CAPN2: variants seen among roughly 807,000 people sequenced by gnomAD.
The protein encoded by CAPN2 is calpain 2.
CAPN2 carries 92 observed loss-of-function variants against 102.3 expected under a neutral mutation model. The ratio of observed to expected loss-of-function variants is 0.90; its 90% confidence interval spans 0.76 to 1.07. The LOEUF is 1.07. Ranked by LOEUF, CAPN2 falls within the 50% of genes least tolerant of loss-of-function variation. The pLI, the probability that CAPN2 is intolerant of heterozygous loss-of-function variation, is 0.00. For synonymous variants in CAPN2, 340 were observed against 355.4 expected (o/e 0.96, Z 0.49); for missense variants, 800 against 909.4 (o/e 0.88, Z 1.55).
Position 223,712,717 on chromosome 1 carries a change from A to G in CAPN2, c.77A>G (p.Lys26Arg), listed in dbSNP as rs1659766567. 6.3e-7 allele frequency: 1 copy of G among 1,585,428 alleles called. No individual in the cohort carries two copies. The highest frequency in any genetic ancestry group is 8.6e-7 in the Non-Finnish European group (1 of 1,168,058). Residue 26 changes from lysine to arginine, a missense_variant, in exon 1 of 21, where the codon AAG becomes AGG. By Grantham distance (26) the Lys-to-Arg change is conservative (BLOSUM62 2). Transcript: ENST00000295006. The stretch of plus-strand genomic sequence containing the variant: ...CTGGGCTCCCACGACAGGGCCATCA[A>G]GTACCTCAACCAGGACTACGAGGCG... The part of the protein sequence containing the change: ...EGLGSHDRAI[K>R]YLNQDYEALR...
chr1:223,712,624 G>T lies in CAPN2; in HGVS notation c.-17G>T. The T allele has an allele frequency of 6.6e-7, 1 of 1,510,298 alleles. No homozygotes were observed. The allele number at this position is 1,510,298 out of a possible 1,614,324, so 93.6% of individuals were successfully genotyped here. A position where few individuals can be genotyped will look rare whatever the true frequency, so the allele number is the denominator to read the frequency against. ...CCCCGACCTTTCTCTGCGCAGTACG[G>T]CCGCCGGGACCGCAGCATGGCGGGC... On this transcript the variant is annotated 5_prime_UTR_variant, in exon 1 of 21. Transcript: ENST00000295006.
At position 223,752,806 on chromosome 1, in the gene CAPN2, A is replaced by G; in HGVS notation, c.985A>G (p.Ser329Gly). Residue 329 changes from serine to glycine, a missense_variant, in exon 9 of 21, where the codon AGT becomes GGT. Ser to Gly is a moderately conservative substitution (Grantham distance 56, BLOSUM62 0). Coordinates refer to ENST00000295006, the MANE Select transcript of CAPN2 (RefSeq NM_001748.5). ...HEDGEFWMSF[S>G]DFLRHYSRLE... Reference sequence around the variant, plus strand: ...CTCTGCTTTTGCCAGGATGTCTTTCAGTGACTTCCTGAGGCACTATTCCCG... The same window carrying G: ...CTCTGCTTTTGCCAGGATGTCTTTCGGTGACTTCCTGAGGCACTATTCCCG... 1 of 1,614,098 alleles carries G rather than the reference A, an allele frequency of 6.2e-7. No homozygotes were observed. Among genetic ancestry groups the G allele is most frequent in the Non-Finnish European group, 8.5e-7 (1 of 1,179,998 alleles).
Position 223,755,465 on chromosome 1 carries a change from C to G in CAPN2, c.1136-15C>G. 3 of 1,613,650 alleles carry G rather than the reference C, an allele frequency of 1.9e-6. No individual in the cohort carries two copies. Among genetic ancestry groups the G allele is most frequent in the Non-Finnish European group, 2.5e-6 (3 of 1,179,872 alleles). On this transcript the variant is annotated splice_polypyrimidine_tract_variant and intron_variant, in intron 9 of 20. Transcript: ENST00000295006. This position sits in a 1 kb window ranked among gnomAD's most constrained non-coding sequence, Gnocchi z 4.1. ...CTGCTCAGGGCTGGGCTCCTCTGCC[C>G]CTTTCTGGCTGCAGACACATTCTGG...
At position 223,760,560 on chromosome 1, in the gene CAPN2, C is replaced by G. The variant is rs28370122; in HGVS notation, c.1530-1021C>G. On this transcript the variant is annotated intron_variant, in intron 12 of 20. Coordinates refer to ENST00000295006, the MANE Select transcript of CAPN2 (RefSeq NM_001748.5). ...GCCTACCATGGGGGAAGGGACCTTT[C>G]CTCTCAGCTCTGAGGATGCTTAGAG... Among the ~76,000 whole-genome samples the G allele has an allele frequency of 1.4e-3, 216 of 152,314 alleles. 3 individuals are homozygous for G. The Middle Eastern group carries it at 0.02, about 14-fold the overall frequency.
intron 20 of CAPN2, 73 bp from the exon 21 acceptor site, chr1:223,774,761 T>G (rs1661570470): frequency 2.9e-6 from 4 of 1,370,168 alleles, no homozygotes; most frequent in Non-Finnish European, 4.2e-6. Flanking sequence ...TTTGGAACAA[T>G]CTACAGGTAC....
At chr1:223,774,699 G>A in intron 20 of CAPN2, 135 bp from the exon 21 acceptor site, 2 of 720,754 alleles carry the variant, frequency 2.8e-6, no homozygotes, top group East Asian at 5.1e-5. Context: ...AGAAAAATAT[G>A]AGTTAGTGCA....
At chr1:223,716,146 G>A (rs1403007646) in intron 1 of CAPN2, among the ~76,000 whole-genome samples, 5 of 152,280 alleles carry the variant, frequency 3.3e-5, no homozygotes, top group South Asian at 2.1e-4. Flanking sequence ...TATTTAATTC[G>A]ATGCCCTACA....
At chr1:223,714,208 A>T (rs1659814232) in intron 1 of CAPN2, among the ~76,000 whole-genome samples, 1 of 152,130 alleles carries the variant, frequency 6.6e-6, no homozygotes, top group Non-Finnish European at 1.5e-5. Flanking sequence ...ATATAATCAC[A>T]TGTATTTGTT....
At chr1:223,771,496 A>G (rs1365952752) in intron 18 of CAPN2, 1 of 278,120 alleles carries the variant, frequency 3.6e-6, no homozygotes, top group Non-Finnish European at 6.8e-6. Context: ...ATTGAGAGCT[A>G]AACAAAAAAT....
chr1:223,753,051 C>A, intron 9 of CAPN2, 95 bp downstream of exon 9: 1 of 1,198,244 alleles, frequency 8.3e-7, no homozygotes, highest in Non-Finnish European at 1.2e-6. Flanking sequence ...CCCAGCCTAG[C>A]AGCCCCAGGA....
upstream of CAPN2, among the ~76,000 whole-genome samples, chr1:223,710,410 T>C (rs890578729): frequency 6.6e-6 from 1 of 152,188 alleles, no homozygotes; most frequent in Non-Finnish European, 1.5e-5. Context: ...CTAGATCATG[T>C]TTTGGGTGGA....
At chr1:223,720,144 C>T (rs1041307181) in intron 2 of CAPN2, among the ~76,000 whole-genome samples, 7 of 152,254 alleles carry the variant, frequency 4.6e-5, no homozygotes, top group African/African-American at 1.7e-4. Flanking sequence ...ACCTCCGTCT[C>T]TTCCAAAAAC....
Position 223,766,397 on chromosome 1 carries a change from T to A in CAPN2, c.1721T>A (p.Ile574Asn). 1.2e-6 allele frequency: 2 copies of A among 1,613,990 alleles called. No individual in the cohort carries two copies. Among genetic ancestry groups the A allele is most frequent in the Non-Finnish European group, 1.7e-6 (2 of 1,179,804 alleles). Residue 574 changes from isoleucine to asparagine, a missense_variant, in exon 16 of 21, where the codon ATC becomes AAC. Ile to Asn is a moderately radical substitution (Grantham distance 149, BLOSUM62 -3). Transcript: ENST00000295006. ...GATATCAAGTCAGATGGCTTCAGCA[T>A]CGAGACATGCAAAATTATGGTTGAC... Reference protein sequence around the residue: ...RQDIKSDGFSIETCKIMVDML... With the variant: ...RQDIKSDGFSNETCKIMVDML...
chr1:223,748,368 A>G (rs1362505496), intron 5 of CAPN2, among the ~76,000 whole-genome samples: 1 of 152,174 alleles, frequency 6.6e-6, no homozygotes, highest in Non-Finnish European at 1.5e-5. Context: ...AGGAATTCTC[A>G]AAGTTTATCA....
At chr1:223,748,675 C>T (rs965861234) in intron 5 of CAPN2, among the ~76,000 whole-genome samples, 2 of 148,880 alleles carry the variant, frequency 1.3e-5, no homozygotes, top group Admixed American at 6.6e-5. Flanking sequence ...CTCTCTCGGC[C>T]GTGCGCCCTT....
upstream of CAPN2, among the ~76,000 whole-genome samples, chr1:223,710,313 A>AC (rs1361196007): frequency 1.1e-3 from 161 of 152,154 alleles, no homozygotes; most frequent in African/African-American, 2.4e-3. Flanking sequence ...AACAACAACA[A>AC]AAACAATGAA....
rs1661061662 is a variant in CAPN2, at chr1:223,757,353, C to T, written c.1306-16C>T. On this transcript the variant is annotated splice_polypyrimidine_tract_variant and intron_variant, in intron 10 of 20. Transcript: ENST00000295006. Reference sequence around the variant, plus strand: ...TGCTTTTCCGGCATCTGAATTGCATCTCCTTTATTTTGCAGGTTCCAGAGG... The same window carrying T: ...TGCTTTTCCGGCATCTGAATTGCATTTCCTTTATTTTGCAGGTTCCAGAGG... The T allele has an allele frequency of 1.2e-6, 2 of 1,614,166 alleles. No homozygotes were observed. Among genetic ancestry groups the T allele is most frequent in the African/African-American group, 2.7e-5 (2 of 75,054 alleles).
At chr1:223,702,494 ATAAAC>A (rs1659509067) in intron 1 of CAPN2, among the ~76,000 whole-genome samples, 1 of 152,138 alleles carries the variant, frequency 6.6e-6, no homozygotes, top group African/African-American at 2.4e-5. Flanking sequence ...AGGAAGGAAA[ATAAAC>A]TACATTATAT....
rs552261337 is a variant in CAPN2 at position 223,754,319 on chromosome 1, C to T, written c.1136-1161C>T. ...AGCCACCAAGTGGCAGTCCCAGAGG[C>T]GCTGGGAAGGCCCTCTGCCCCCCAC... is the stretch of plus-strand genomic sequence containing the variant. On this transcript the variant is annotated intron_variant, in intron 9 of 20. Transcript: ENST00000295006. The surrounding 1 kb of genome is among the most constrained non-coding windows in gnomAD (Gnocchi z 4.7). Among the ~76,000 whole-genome samples the T allele has an allele frequency of 2.6e-5, 4 of 152,300 alleles. No homozygotes were observed. Among genetic ancestry groups the T allele is most frequent in the African/African-American group, 4.8e-5 (2 of 41,560 alleles).
Sources: gnomAD v4.1 joint callset for allele counts (sites outside exome capture counted in the v4.1 genomes callset) on GRCh38, gnomAD v4.1.1 for gene constraint, Gnocchi (gnomAD v3.1) non-coding constraint, MANE v1.5 for transcripts, NCBI Gene and HGNC (gene_info 2026-07-23, HGNC 2026-07-21) for gene names.